Variants in TMEM132C observed in about 807,000 individuals in gnomAD.
TMEM132C encodes the protein transmembrane protein 132C.
In TMEM132C, 29 loss-of-function variants were observed where a neutral mutation model predicts 61.4. That is an observed-to-expected ratio of 0.47 (90% CI 0.35 to 0.64). TMEM132C has a LOEUF of 0.64. Among genes scored for constraint, TMEM132C ranks in the 30% least tolerant of loss-of-function variants. The pLI is 0.00. For missense variants in TMEM132C, 1,408 were observed against 1,476.9 expected (o/e 0.95, Z 0.76); for synonymous variants, 656 against 633.1 (o/e 1.04, Z -0.54).
intron 3 of TMEM132C, among the ~76,000 whole-genome samples, chr12:128,561,113 A>G (rs1874502322): frequency 6.6e-6 from 1 of 152,140 alleles, no homozygotes; most frequent in African/African-American, 2.4e-5. Flanking sequence ...TCCTCCTCTC[A>G]ACAGCTGTGA....
chr12:128,664,110 A>G (rs538088068), intron 4 of TMEM132C, among the ~76,000 whole-genome samples: 120 of 148,064 alleles, frequency 8.1e-4, no homozygotes, highest in African/African-American at 2.7e-3. Context: ...ACACAGGCAC[A>G]CGCACCCGCA....
intron 1 of TMEM132C, among the ~76,000 whole-genome samples, chr12:128,284,469 A>G (rs533926323): frequency 6.6e-6 from 1 of 152,352 alleles, no homozygotes; most frequent in African/African-American, 2.4e-5. Flanking sequence ...GTCTATCTCC[A>G]TGGTCCTTGG....
At chr12:128,576,148 G>T (rs540480538) in intron 3 of TMEM132C, among the ~76,000 whole-genome samples, 1 of 152,076 alleles carries the variant, frequency 6.6e-6, no homozygotes, top group African/African-American at 2.4e-5. Flanking sequence ...CCAGCTACTC[G>T]GGAGGGTGAG....
intron 2 of TMEM132C, among the ~76,000 whole-genome samples, chr12:128,448,321 C>T (rs1477180648): frequency 1.3e-5 from 2 of 152,320 alleles, no homozygotes; most frequent in African/African-American, 2.4e-5. Flanking sequence ...CTTGCAATTC[C>T]GTGTCTGTCA....
At chr12:128,353,405 G>T (rs1421996727) in intron 1 of TMEM132C, among the ~76,000 whole-genome samples, 2 of 152,186 alleles carry the variant, frequency 1.3e-5, no homozygotes, top group African/African-American at 4.8e-5. Context: ...TGCGATCTGA[G>T]ACCCCGGGAG....
intron 3 of TMEM132C, among the ~76,000 whole-genome samples, chr12:128,613,818 A>G (rs941001977): frequency 6.6e-6 from 1 of 152,170 alleles, no homozygotes; most frequent in Non-Finnish European, 1.5e-5. Flanking sequence ...GGAATGGTGC[A>G]CTCGATATTA....
chr12:128,316,621 C>T (rs1380904569), intron 1 of TMEM132C, among the ~76,000 whole-genome samples: 1 of 152,178 alleles, frequency 6.6e-6, no homozygotes. Flanking sequence ...CACAATACAA[C>T]TTAAAATTAC....
chr12:128,664,190 GCACT>G (rs1156631212), intron 4 of TMEM132C, among the ~76,000 whole-genome samples: 1 of 98,114 alleles, frequency 1.0e-5, no homozygotes, highest in Non-Finnish European at 2.0e-5. Context: ...ATGCACGCAG[GCACT>G]CACACAGGCA....
chr12:128,272,402 G>GT (rs1293310881), intron 1 of TMEM132C, among the ~76,000 whole-genome samples: 1 of 152,138 alleles, frequency 6.6e-6, no homozygotes, highest in African/African-American at 2.4e-5. Flanking sequence ...ACGCACCACA[G>GT]TTTATTTCAT....
intron 1 of TMEM132C, among the ~76,000 whole-genome samples, chr12:128,280,533 T>G (rs1870856657): frequency 6.6e-6 from 1 of 152,220 alleles, no homozygotes; most frequent in Non-Finnish European, 1.5e-5. Flanking sequence ...TTCAGTTAAC[T>G]TAATAGCGTA....
At chr12:128,702,640 G>A (rs1566019663) in intron 8 of TMEM132C, among the ~76,000 whole-genome samples, 1 of 152,164 alleles carries the variant, frequency 6.6e-6, no homozygotes, top group Non-Finnish European at 1.5e-5. Flanking sequence ...GGTTGTATTT[G>A]CATTTGCACA....
At chr12:128,549,352 A>G (rs1358476080) in intron 3 of TMEM132C, among the ~76,000 whole-genome samples, 1 of 152,132 alleles carries the variant, frequency 6.6e-6, no homozygotes, top group African/African-American at 2.4e-5. Flanking sequence ...CCACCCAGAC[A>G]TACGGGGTGG....
chr12:128,626,257 G>A (rs561710136), intron 4 of TMEM132C, among the ~76,000 whole-genome samples: 21 of 150,408 alleles, frequency 1.4e-4, no homozygotes, highest in African/African-American at 4.9e-4. Flanking sequence ...CTCCCAAGTA[G>A]CTGGGATTAC....
chr12:128,290,624 C>T (rs899562739), intron 1 of TMEM132C, among the ~76,000 whole-genome samples: 5 of 152,088 alleles, frequency 3.3e-5, no homozygotes, highest in African/African-American at 4.8e-5. Flanking sequence ...CTGAATTATT[C>T]CAGACCAGGA....
chr12:128,590,435 T>C (rs1182332317), intron 3 of TMEM132C, among the ~76,000 whole-genome samples: 1 of 127,966 alleles, frequency 7.8e-6, no homozygotes, highest in Non-Finnish European at 1.8e-5. Flanking sequence ...AGGTTGCAAA[T>C]TCTCAATGCT....
At chr12:128,592,180 G>T (rs569916978) in intron 3 of TMEM132C, among the ~76,000 whole-genome samples, 1 of 152,310 alleles carries the variant, frequency 6.6e-6, no homozygotes, top group African/African-American at 2.4e-5. Context: ...GGCCAGGCAG[G>T]CTCCAGGTCA....
chr12:128,416,043 G>A (rs1403492120), intron 2 of TMEM132C, among the ~76,000 whole-genome samples: 1 of 152,144 alleles, frequency 6.6e-6, no homozygotes, highest in Non-Finnish European at 1.5e-5. Context: ...GTATATATGT[G>A]AAAAGAGCCA....
At chr12:128,461,118 A>G (rs1486741148) in intron 2 of TMEM132C, among the ~76,000 whole-genome samples, 4 of 152,208 alleles carry the variant, frequency 2.6e-5, no homozygotes, top group African/African-American at 4.8e-5. Flanking sequence ...TTTAAAAGCC[A>G]TTTATCTTCT....
chr12:128,655,527 C>T (rs147821517), intron 4 of TMEM132C, among the ~76,000 whole-genome samples: 77 of 151,928 alleles, frequency 5.1e-4, no homozygotes, highest in African/African-American at 1.7e-3. Flanking sequence ...GGCTGCTGGG[C>T]GGCCCGTGCA....
Sources: gnomAD v4.1 joint callset for allele counts (sites outside exome capture counted in the v4.1 genomes callset) on GRCh38, gnomAD v4.1.1 for gene constraint, MANE v1.5 for transcripts, NCBI Gene and HGNC (gene_info 2026-07-23, HGNC 2026-07-21) for gene names.